LAMB2: variants seen among roughly 807,000 people sequenced by gnomAD.
LAMB2 encodes the protein laminin subunit beta 2, also known as laminin subunit beta-2.
A neutral mutation model predicts 202.7 loss-of-function variants in LAMB2; 119 were observed. The ratio of observed to expected loss-of-function variants is 0.59; its 90% confidence interval spans 0.51 to 0.68. LAMB2 has a LOEUF of 0.68. LAMB2 is among the 30% of genes least tolerant of loss of function. LAMB2 has a pLI of 0.00. For synonymous variants in LAMB2, 818 were observed against 902.2 expected (o/e 0.91, Z 1.67); for missense variants, 2,124 against 2,410.6 (o/e 0.88, Z 2.49).
In LAMB2 at chr3:49,130,417, A is replaced by G. The variant is rs746302982; in HGVS notation, c.1039T>C (p.Cys347Arg). 6.2e-7 allele frequency: 1 copy of G among 1,613,812 alleles called. No individual in the cohort carries two copies. The highest frequency in any genetic ancestry group is 8.5e-7 in the Non-Finnish European group (1 of 1,179,998). The change falls in exon 9 of 32, where the codon TGT becomes CGT. Residue 347 changes from cysteine to arginine, a missense_variant and splice_region_variant. Cys to Arg is a radical substitution (Grantham distance 180). Around this residue, in one of 3 missense-constraint regions of LAMB2, gnomAD observed 256 missense variants for 356.1 expected, o/e 0.72. Coordinates refer to ENST00000305544, the MANE Select transcript of LAMB2 (RefSeq NM_002292.4). The surrounding 1 kb of genome is among the most constrained non-coding windows in gnomAD (Gnocchi z 5.0). ...CTGTGGGTGTGCCCATGGCACTCACACTCTGGCAGGGGAGGAAGGGCAGGG... is the reference window on the plus strand; with the variant it reads ...CTGTGGGTGTGCCCATGGCACTCACGCTCTGGCAGGGGAGGAAGGGCAGGG... The part of the protein sequence containing the change: ...EDGHSHACRK[C>R]ECHGHTHSCH...
rs1388574581 is a variant in LAMB2 at position 49,124,799 on chromosome 3, G to A, written c.3011C>T (p.Thr1004Met). 5.6e-6 allele frequency: 9 copies of A among 1,614,088 alleles called. No individual in the cohort carries two copies. The highest frequency in any genetic ancestry group is 2.2e-5 in the South Asian group (2 of 91,092). The change falls in exon 21 of 32, where the codon ACG becomes ATG. Residue 1004 changes from threonine (T) to methionine (M), a missense_variant. Thr to Met is a moderately conservative substitution (Grantham distance 81). Around this residue, in one of 3 missense-constraint regions of LAMB2, gnomAD observed 1,702 missense variants for 1,896.3 expected, o/e 0.90. Coordinates refer to ENST00000305544, the MANE Select transcript of LAMB2 (RefSeq NM_002292.4). ...PMDPDACDPH[T>M]GQCLRCLHHT... ...GTGTAAACAGCGCAGGCATTGCCCC[G>A]TGTGGGGGTCACAGGCATCAGGATC... is the stretch of plus-strand genomic sequence containing the variant.
rs771078046 is a variant in LAMB2 at position 49,131,527 on chromosome 3, G to A, written c.648+8C>T. 1.2e-6 allele frequency: 2 copies of A among 1,613,974 alleles called. No individual in the cohort carries two copies. The highest frequency in any genetic ancestry group is 1.7e-6 in the Non-Finnish European group (2 of 1,179,986). Reference sequence around the variant, plus strand: ...CTTCCAGCCCCCAGCCCAGATGCCAGCCCTCACCTCGCCTTCAGTGGATGG... The same window carrying A: ...CTTCCAGCCCCCAGCCCAGATGCCAACCCTCACCTCGCCTTCAGTGGATGG... On this transcript the variant is annotated splice_region_variant and intron_variant, in intron 5 of 31. Transcript: ENST00000305544. The surrounding 1 kb of genome is among the most constrained non-coding windows in gnomAD (Gnocchi z 5.0).
In LAMB2 at chr3:49,131,071, T is replaced by G. The variant is rs903021924; in HGVS notation, c.794A>C (p.Glu265Ala). The G allele has an allele frequency of 1.2e-6, 2 of 1,613,794 alleles. No homozygotes were observed. Among genetic ancestry groups the G allele is most frequent in the Non-Finnish European group, 8.5e-7 (1 of 1,180,020 alleles). ...GGCATAGTAGTACTTCTCTCGGATC[T>G]CCCTCCGTGGGTCGAGTAGGTTGTC... is the stretch of plus-strand genomic sequence containing the variant. ...LGDNLLDPRR[E>A]IREKYYYALY... Residue 265 changes from glutamate (E) to alanine (A), a missense_variant, in exon 7 of 32, where the codon GAG becomes GCG. Physicochemically the swap from Glu to Ala is moderately radical, Grantham distance 107. Around this residue, in one of 3 missense-constraint regions of LAMB2, gnomAD observed 256 missense variants for 356.1 expected, o/e 0.72. Coordinates refer to ENST00000305544, the MANE Select transcript of LAMB2 (RefSeq NM_002292.4). The surrounding 1 kb of genome is among the most constrained non-coding windows in gnomAD (Gnocchi z 5.0).
Position 49,130,273 on chromosome 3 carries a change from G to A in LAMB2, c.1183C>T (p.Arg395Cys), listed in dbSNP as rs967800410. The A allele has an allele frequency of 1.2e-6, 2 of 1,614,190 alleles. No individual in the cohort carries two copies. The highest frequency in any genetic ancestry group is 1.7e-6 in the Non-Finnish European group (2 of 1,180,044). The change falls in exon 9 of 32, where the codon CGT becomes TGT. Residue 395 changes from arginine to cysteine, a missense_variant. Coordinates refer to ENST00000305544, the MANE Select transcript of LAMB2 (RefSeq NM_002292.4). This position sits in a 1 kb window ranked among gnomAD's most constrained non-coding sequence, Gnocchi z 5.0. ...TCCCGCAGGTCCTTGGTTGGGTCAC[G>A]GTAGAAGAAGGGCCGACAGAGCTCA... ...HCELCRPFFYRDPTKDLRDPA... is the reference protein window; with the variant it reads ...HCELCRPFFYCDPTKDLRDPA...
chr3:49,122,714 G>T lies in LAMB2; in HGVS notation c.4563C>A (p.Asp1521Glu). 1 of 1,613,856 alleles carries T rather than the reference G, an allele frequency of 6.2e-7. No individual in the cohort carries two copies. Among genetic ancestry groups the T allele is most frequent in the South Asian group, 1.1e-5 (1 of 91,070 alleles). Reference sequence around the variant, plus strand: ...ACGTGGGAGGCTCACGGTTGAGGAAGTCCTTCACACTCTGGATAAGTTCTT... The same window carrying T: ...ACGTGGGAGGCTCACGGTTGAGGAATTCCTTCACACTCTGGATAAGTTCTT... ...ELQELIQSVK[D>E]FLNQEGADPD... The change falls in exon 27 of 32, where the codon GAC becomes GAA. Residue 1521 changes from aspartate to glutamate, a missense_variant. By Grantham distance (45) the Asp-to-Glu change is conservative (BLOSUM62 2). Coordinates refer to ENST00000305544, the MANE Select transcript of LAMB2 (RefSeq NM_002292.4).
chr3:49,123,106 T>A (rs771896179), intron 26 of LAMB2, 26 bp downstream of exon 26: 358 of 1,608,352 alleles, frequency 2.2e-4, no homozygotes, highest in Non-Finnish European at 1.8e-5. Context: ...TACACCCACC[T>A]GCCCCACCCA....
At chr3:49,128,050 GA>G (rs953402027) in intron 15 of LAMB2, among the ~76,000 whole-genome samples, 5 of 131,602 alleles carry the variant, frequency 3.8e-5, no homozygotes, top group South Asian at 2.4e-4. Context: ...GAAAAGAAAA[GA>G]AAAAAAAAAG....
Position 49,122,819 on chromosome 3 carries a change from C to T in LAMB2, c.4458G>A (p.Glu1486=), listed in dbSNP as rs759481858. The change falls in exon 27 of 32, where the codon GAG becomes GAA. Residue 1486 remains glutamate (E), a synonymous_variant. Coordinates refer to ENST00000305544, the MANE Select transcript of LAMB2 (RefSeq NM_002292.4). ...GGGCTGCCTGGGCCCGCTGCTGTGCCTCGCTTGCCTGCCGACGAGTCTCAG... is the reference window on the plus strand; with the variant it reads ...GGGCTGCCTGGGCCCGCTGCTGTGCTTCGCTTGCCTGCCGACGAGTCTCAG... ...RVAETRRQAS[E]AQQRAQAALD... 1 of 1,613,476 alleles carries T rather than the reference C, an allele frequency of 6.2e-7. No individual in the cohort carries two copies. The highest frequency in any genetic ancestry group is 2.2e-5 in the East Asian group (1 of 44,882).
Position 49,124,851 on chromosome 3 carries a change from C to T in LAMB2, c.2959G>A (p.Glu987Lys), listed in dbSNP as rs34759087. Residue 987 changes from glutamate to lysine, a missense_variant, in exon 21 of 32, where the codon GAG becomes AAG. By Grantham distance (56) the Glu-to-Lys change is moderately conservative (BLOSUM62 1). Transcript: ENST00000305544. Reference sequence around the variant, plus strand: ...ATTGGGTCAATGTTCCCACTGCACTCACACAGTTGGCACCGGCCACCTGGC... The same window carrying T: ...ATTGGGTCAATGTTCCCACTGCACTTACACAGTTGGCACCGGCCACCTGGC... ...SRPGGRCQLCECSGNIDPMDP... is the reference protein window; with the variant it reads ...SRPGGRCQLCKCSGNIDPMDP... 0.12 allele frequency: 186,921 copies of T among 1,614,066 alleles called. 12,496 individuals carry two copies. Among genetic ancestry groups the T allele is most frequent in the Middle Eastern group, 0.16 (976 of 6,062 alleles).
rs1404598552 is a variant in LAMB2, at chr3:49,131,491, A to G, written c.648+44T>C. 5.6e-6 allele frequency: 9 copies of G among 1,613,850 alleles called. No individual in the cohort carries two copies. Among genetic ancestry groups the G allele is most frequent in the Admixed American group, 3.3e-5 (2 of 59,984 alleles). ...TCACACTGGACCTTGCCTCAGGCCC[A>G]TCATCCCCAGCTTCCAGCCCCCAGC... is the stretch of plus-strand genomic sequence containing the variant. On this transcript the variant is annotated intron_variant, in intron 5 of 31. Transcript: ENST00000305544. This position sits in a 1 kb window ranked among gnomAD's most constrained non-coding sequence, Gnocchi z 5.0.
chr3:49,128,184 C>A (rs2045441583), intron 15 of LAMB2, among the ~76,000 whole-genome samples: 1 of 152,210 alleles, frequency 6.6e-6, no homozygotes, highest in African/African-American at 2.4e-5. Flanking sequence ...ACCACCACCA[C>A]TGTGGACCCT....
At position 49,121,151 on chromosome 3, in the gene LAMB2, C is replaced by A; in HGVS notation, c.*75G>T. The A allele has an allele frequency of 6.3e-7, 1 of 1,577,996 alleles. No individual in the cohort carries two copies. The highest frequency in any genetic ancestry group is 1.1e-5 in the South Asian group (1 of 89,898). On this transcript the variant is annotated 3_prime_UTR_variant, in exon 32 of 32. Coordinates refer to ENST00000305544, the MANE Select transcript of LAMB2 (RefSeq NM_002292.4). The stretch of plus-strand genomic sequence containing the variant: ...CTGGTTTATTGGGGGCCCTGCCGGG[C>A]CAAGAGCTCTTCAGTGCATAGGCAG...
At position 49,123,361 on chromosome 3, in the gene LAMB2, C is replaced by T. The variant is rs980152482; in HGVS notation, c.3995G>A (p.Ser1332Asn). 6 of 1,613,994 alleles carry T rather than the reference C, an allele frequency of 3.7e-6. No individual in the cohort carries two copies. The highest frequency in any genetic ancestry group is 2.7e-5 in the African/African-American group (2 of 75,056). The change falls in exon 26 of 32, where the codon AGC becomes AAC. Residue 1332 changes from serine (S) to asparagine (N), a missense_variant. This residue lies in a region of LAMB2 where 1,702 missense variants were observed against 1,896.3 expected (regional missense o/e 0.90). Coordinates refer to ENST00000305544, the MANE Select transcript of LAMB2 (RefSeq NM_002292.4). Reference sequence around the variant, plus strand: ...AGACTGGCTATGGGCATGCCGGATGCTGTCATAGGCACCTAAATTGGGCAG... The same window carrying T: ...AGACTGGCTATGGGCATGCCGGATGTTGTCATAGGCACCTAAATTGGGCAG... ...KHSNFLGAYD[S>N]IRHAHSQSAE... is the part of the protein sequence containing the mutation.
Position 49,126,026 on chromosome 3 carries a change from G to A in LAMB2, c.2285C>T (p.Ser762Phe), listed in dbSNP as rs767464960. 1 of 1,614,206 alleles carries A rather than the reference G, an allele frequency of 6.2e-7. No individual in the cohort carries two copies. The highest frequency in any genetic ancestry group is 2.2e-5 in the East Asian group (1 of 44,886). ...GATGAGGAGGGGTGCGCAGGCCTCA[G>A]AGGGAGAAGTCTTGCTGGGCACCAG... ...EGLVPSKTSP[S>F]EACAPLLISL... Residue 762 changes from serine to phenylalanine, a missense_variant, in exon 17 of 32, where the codon TCT (serine) becomes TTT (phenylalanine). Around this residue, in one of 3 missense-constraint regions of LAMB2, gnomAD observed 1,702 missense variants for 1,896.3 expected, o/e 0.90. Coordinates refer to ENST00000305544, the MANE Select transcript of LAMB2 (RefSeq NM_002292.4).
Position 49,121,701 on chromosome 3 carries a change from CACG to C in LAMB2, c.5080_5082del (p.Arg1694del), listed in dbSNP as rs1240419193. 1.2e-6 allele frequency: 2 copies of C among 1,613,928 alleles called. No homozygotes were observed. Among genetic ancestry groups the C allele is most frequent in the Admixed American group, 1.7e-5 (1 of 60,010 alleles). On this transcript the variant is annotated inframe_deletion, in exon 30 of 32. Coordinates refer to ENST00000305544, the MANE Select transcript of LAMB2 (RefSeq NM_002292.4). ...CAACCCACCTGCTCAGCCTCCTGGG[CACG>C]ACCCTGGGCACTGCCTGCCGTTTCT...
In LAMB2 at chr3:49,122,328, C is replaced by A. The variant is rs758539618; in HGVS notation, c.4616G>T (p.Arg1539Leu). 1.9e-6 allele frequency: 3 copies of A among 1,613,390 alleles called. No individual in the cohort carries two copies. Among genetic ancestry groups the A allele is most frequent in the Non-Finnish European group, 2.5e-6 (3 of 1,179,976 alleles). Residue 1539 changes from arginine to leucine, a missense_variant, in exon 28 of 32, where the codon CGG (arginine) becomes CTG (leucine). Arg to Leu is a moderately radical substitution (Grantham distance 102, BLOSUM62 -2). Transcript: ENST00000305544. Reference protein sequence around the residue: ...DPDSIEMVATRVLELSIPASA... With the variant: ...DPDSIEMVATLVLELSIPASA... ...AGCTGGGATGGAGAGCTCTAGCACCCGTGTGGCCACCATTTCAATGCTATC... is the reference window on the plus strand; with the variant it reads ...AGCTGGGATGGAGAGCTCTAGCACCAGTGTGGCCACCATTTCAATGCTATC...
chr3:49,122,652 G>T, intron 27 of LAMB2, 52 bp downstream of exon 27: 1 of 1,428,314 alleles, frequency 7.0e-7, no homozygotes. Flanking sequence ...TACAGACACC[G>T]GGAGTTGCCA....
chr3:49,126,566 C>A (rs891246164), intron 15 of LAMB2, 69 bp from the exon 16 acceptor site: 1 of 1,598,278 alleles, frequency 6.3e-7, no homozygotes. Context: ...GGGCCTCCCC[C>A]ATCCTTCTCC....
chr3:49,132,303 G>A lies in LAMB2; in HGVS notation c.352C>T (p.Gln118Ter). ...GACTGCCACCAGGCTGCCCGCCGCT[G>A]TGGTGCAAAGCTGGTGACTACATTC... ...IQNVVTSFAP[Q>*]RRAAWWQSEN... is the part of the protein sequence containing the mutation. Residue 118 changes from glutamine (Q) to a stop codon, truncating the protein, a stop_gained, in exon 3 of 32, where the codon CAG (glutamine) becomes TAG (stop). Coordinates refer to ENST00000305544, the MANE Select transcript of LAMB2 (RefSeq NM_002292.4). LOFTEE classifies it high-confidence loss of function. This position sits in a 1 kb window ranked among gnomAD's most constrained non-coding sequence, Gnocchi z 4.6. 1 of 1,614,266 alleles carries A rather than the reference G, an allele frequency of 6.2e-7. No homozygotes were observed. Among genetic ancestry groups the A allele is most frequent in the Non-Finnish European group, 8.5e-7 (1 of 1,180,050 alleles).
Sources: gnomAD v4.1 joint callset for allele counts (sites outside exome capture counted in the v4.1 genomes callset) on GRCh38, gnomAD v4.1.1 for gene constraint, gnomAD v4.1.1 regional missense constraint, Gnocchi (gnomAD v3.1) non-coding constraint, MANE v1.5 for transcripts, NCBI Gene and HGNC (gene_info 2026-07-23, HGNC 2026-07-21) for gene names.